THAP8: variants seen among roughly 807,000 people sequenced by gnomAD.
THAP8 encodes THAP domain-containing protein 8.
Under a neutral mutation model 25.0 loss-of-function variants are expected in THAP8, and 24 were observed. The ratio of observed to expected loss-of-function variants is 0.96; its 90% CI spans 0.69 to 1.35. The LOEUF (loss-of-function observed/expected upper bound fraction) is 1.35. THAP8 is among the 40% of genes most tolerant of loss of function. The pLI is 0.00. For missense variants in THAP8, 399 were observed against 368.8 expected, an observed-to-expected ratio of 1.08 and a Z score of -0.67; for synonymous variants, 169 against 157.6, an observed-to-expected ratio of 1.07 and a Z score of -0.54.
At chr19:36,035,628 C>T (rs368029265) in intron 3 of THAP8, 36 bp from the exon 4 acceptor site, 9 of 1,595,016 alleles carry the variant, frequency 5.6e-6, no homozygotes, top group Admixed American at 1.7e-5. Flanking sequence ...GGGAACATTA[C>T]GAAGCAAGTT....
Position 36,051,656 on chromosome 19 carries a change from T to G in THAP8, c.83+2479A>C, listed in dbSNP as rs1970058238. Among the ~76,000 whole-genome samples, 6 of 152,206 alleles carry G rather than the reference T, an allele frequency of 3.9e-5. No homozygotes were observed. The South Asian group carries it at 1.0e-3, about 26-fold the overall frequency. ...TTGCTGAGGGACTGGATGAGGAATG[T>G]GTCCTAGCCCACTTAGGCTAAGACC... is the stretch of plus-strand genomic sequence containing the variant. On this transcript the variant is annotated intron_variant, in intron 1 of 3. Transcript: ENST00000292894.
At chr19:36,037,343 T>TAG (rs1491146173) in intron 3 of THAP8, among the ~76,000 whole-genome samples, 1,951 of 114,808 alleles carry the variant, frequency 0.017, 28 homozygotes, top group Middle Eastern at 0.025. Flanking sequence ...ATTCCTCCCC[T>TAG]ACACACACAC....
intron 1 of THAP8, 131 bp from the exon 2 acceptor site, chr19:36,040,267 G>T: frequency 1.1e-6 from 1 of 900,632 alleles, no homozygotes; most frequent in Non-Finnish European, 1.6e-6. Flanking sequence ...GACCTGTCTT[G>T]TGCCCAGGCT....
chr19:36,039,912 G>A (rs551272253), intron 2 of THAP8, 32 bp downstream of exon 2: 1 of 1,610,782 alleles, frequency 6.2e-7, no homozygotes, highest in Non-Finnish European at 8.5e-7. Context: ...TCTGGGGGTT[G>A]GATTCCAGCA....
In THAP8 at chr19:36,035,437, T is replaced by C; in HGVS notation, c.*3A>G. On this transcript the variant is annotated 3_prime_UTR_variant, in exon 4 of 4. Coordinates refer to ENST00000292894, the MANE Select transcript of THAP8 (RefSeq NM_152658.3). Reference sequence around the variant, plus strand: ...TGTCCCTCGACATTGTCTGTCTTGATCCTTATGCACTGGGGATCCGAGTGT... The same window carrying C: ...TGTCCCTCGACATTGTCTGTCTTGACCCTTATGCACTGGGGATCCGAGTGT... 6.2e-7 allele frequency: 1 copy of C among 1,613,048 alleles called. No individual in the cohort carries two copies. Among genetic ancestry groups the C allele is most frequent in the Non-Finnish European group, 8.5e-7 (1 of 1,179,260 alleles).
At chr19:36,044,729 G>A (rs1599722473) in intron 1 of THAP8, among the ~76,000 whole-genome samples, 1 of 152,300 alleles carries the variant, frequency 6.6e-6, no homozygotes, top group East Asian at 1.9e-4. Flanking sequence ...CTGGGCTGAA[G>A]TGATCTCCCA....
At chr19:36,045,669 G>C (rs748531998) in intron 1 of THAP8, 2 of 452,546 alleles carry the variant, frequency 4.4e-6, no homozygotes, top group South Asian at 1.6e-5. Flanking sequence ...GCCACTACAA[G>C]TATCCTTTTA....
chr19:36,044,283 T>C (rs1422616892), intron 1 of THAP8, among the ~76,000 whole-genome samples: 1 of 152,174 alleles, frequency 6.6e-6, no homozygotes, highest in Non-Finnish European at 1.5e-5. Context: ...CACAATGTTT[T>C]CCATATCTGT....
intron 1 of THAP8, among the ~76,000 whole-genome samples, chr19:36,044,455 G>A (rs1442511893): frequency 1.3e-5 from 2 of 152,062 alleles, no homozygotes; most frequent in Admixed American, 1.3e-4. Context: ...TACCTACTGA[G>A]GGTTATGAGC....
chr19:36,046,430 C>T (rs1969883892), intron 1 of THAP8, among the ~76,000 whole-genome samples: 5 of 152,084 alleles, frequency 3.3e-5, no homozygotes, highest in Admixed American at 3.3e-4. Context: ...AAAGAGGCTA[C>T]CAGTGGGGAG....
chr19:36,048,400 T>C (rs1460577597), intron 1 of THAP8, among the ~76,000 whole-genome samples: 1 of 150,970 alleles, frequency 6.6e-6, no homozygotes, highest in East Asian at 2.0e-4. Flanking sequence ...AGTTTCACCC[T>C]TGTTGCCTAG....
chr19:36,054,404 C>T (rs574036895), upstream of THAP8: 7 of 662,494 alleles, frequency 1.1e-5, no homozygotes, highest in South Asian at 1.1e-4. Context: ...GTGCCACAGT[C>T]CCGCCCTCGT....
intron 1 of THAP8, among the ~76,000 whole-genome samples, chr19:36,047,846 A>T: frequency 6.6e-6 from 1 of 151,824 alleles, no homozygotes. Flanking sequence ...AAAAAGAAAG[A>T]AAAATAGTGA....
At chr19:36,036,921 A>ACTC (rs1254343391) in intron 3 of THAP8, among the ~76,000 whole-genome samples, 1 of 147,318 alleles carries the variant, frequency 6.8e-6, no homozygotes, top group African/African-American at 2.5e-5. Flanking sequence ...AGCCTGGGCA[A>ACTC]CAGAGCAAGA....
At position 36,054,135 on chromosome 19, in the gene THAP8, T is replaced by A. The variant is rs759584927; in HGVS notation, c.83A>T (p.Lys28Met). 1 of 1,613,108 alleles carries A rather than the reference T, an allele frequency of 6.2e-7. No individual in the cohort carries two copies. The highest frequency in any genetic ancestry group is 8.5e-7 in the Non-Finnish European group (1 of 1,179,850). ...AAGCCCCGCCCCGCGCTGCGCTCAC[T>A]TGTAGAAGCTCACAGGGCGGTTGTC... ...GADNRPVSFY[K>M]FPLKDGPRLQ... is the part of the protein sequence containing the mutation. Residue 28 changes from lysine (K) to methionine (M), a missense_variant and splice_region_variant, in exon 1 of 4, where the codon AAG becomes ATG. Physicochemically the swap from Lys to Met is moderately conservative, Grantham distance 95. Coordinates refer to ENST00000292894, the MANE Select transcript of THAP8 (RefSeq NM_152658.3).
chr19:36,047,437 A>G (rs1262428197), intron 1 of THAP8, among the ~76,000 whole-genome samples: 1 of 152,066 alleles, frequency 6.6e-6, no homozygotes, highest in Non-Finnish European at 1.5e-5. Context: ...TTTTCCTCCT[A>G]TAAGGAATGG....
chr19:36,035,907 C>A (rs571386431), intron 3 of THAP8, among the ~76,000 whole-genome samples: 132 of 151,526 alleles, frequency 8.7e-4, no homozygotes, highest in African/African-American at 3.2e-3. Flanking sequence ...AGAAAATATG[C>A]AGATAAAGAG....
At position 36,035,349 on chromosome 19, in the gene THAP8, C is replaced by T. The variant is rs544819652; in HGVS notation, c.*91G>A. The T allele has an allele frequency of 6.0e-4, 902 of 1,509,214 alleles. 10 individuals are homozygous for T. In the South Asian group the frequency reaches 9.9e-3, roughly 17 times the overall value. The allele number at this position is 1,509,214 out of a possible 1,614,324, so 93.5% of individuals were successfully genotyped here. A position where few individuals can be genotyped will look rare whatever the true frequency, so the allele number is the denominator to read the frequency against. On this transcript the variant is annotated 3_prime_UTR_variant, in exon 4 of 4. Coordinates refer to ENST00000292894, the MANE Select transcript of THAP8 (RefSeq NM_152658.3). ...GAGGGAGGCACTGCTACTACCCAGG[C>T]GTGGGCGGTGGGGCTGGGCCAAGCC...
At position 36,039,447 on chromosome 19, in the gene THAP8, C is replaced by G. The variant is rs768986722; in HGVS notation, c.548G>C (p.Arg183Pro). Residue 183 changes from arginine (R) to proline (P), a missense_variant, in exon 3 of 4, where the codon CGG becomes CCG. By Grantham distance (103) the Arg-to-Pro change is moderately radical. Coordinates refer to ENST00000292894, the MANE Select transcript of THAP8 (RefSeq NM_152658.3). ...LGPVLGALQR[R>P]VRRLQRCQER... is the part of the protein sequence containing the mutation. Reference sequence around the variant, plus strand: ...CTGGCACCGTTGCAGCCTCCGCACCCGGCGTTGCAGTGCTCCCAGCACTGG... The same window carrying G: ...CTGGCACCGTTGCAGCCTCCGCACCGGGCGTTGCAGTGCTCCCAGCACTGG... The G allele has an allele frequency of 2.5e-6, 4 of 1,595,044 alleles. No homozygotes were observed. Among genetic ancestry groups the G allele is most frequent in the Non-Finnish European group, 3.4e-6 (4 of 1,170,628 alleles).
Sources: allele counts gnomAD v4.1 joint callset (sites outside exome capture counted in the v4.1 genomes callset), GRCh38; gene constraint gnomAD v4.1.1; transcripts MANE v1.5; gene names NCBI Gene and HGNC (gene_info 2026-07-23, HGNC 2026-07-21).